The following LRCOL1 variants were observed in gnomAD, a reference collection of about 807,000 sequenced individuals.
LRCOL1 encodes leucine rich colipase like 1, also known as leucine-rich colipase-like protein 1.
In LRCOL1, 21 loss-of-function variants were observed where a neutral mutation model predicts 21.6. The ratio of observed to expected loss-of-function variants is 0.97; its 90% CI spans 0.69 to 1.40. The LOEUF is 1.40. Ranked by LOEUF, LRCOL1 falls within the 40% of genes most tolerant of loss-of-function variation. The probability of loss-of-function intolerance (pLI) is 0.00; values close to 1 mark genes in which losing one functional copy is unlikely to be tolerated. For missense variants in LRCOL1, 198 were observed against 202.3 expected (o/e 0.98, Z 0.13); for synonymous variants, 98 against 90.1 (o/e 1.09, Z -0.49).
chr12:132,607,658 T>C (rs2041325852), intron 1 of LRCOL1, among the ~76,000 whole-genome samples: 1 of 151,512 alleles, frequency 6.6e-6, no homozygotes, highest in Admixed American at 6.6e-5. Flanking sequence ...TCTCTTTCTG[T>C]CTCTGTCTCT....
rs1187829409 is a variant in LRCOL1 at position 132,604,743 on chromosome 12, G to A, written c.194C>T (p.Pro65Leu). ...CAGGCACTGCAGGAAGATGGTCTTA[G>A]GGGTGCAGAGCGTGTGTGGGGCCAG... ...NSLAPHTLCTPKTIFLQCLPW... is the reference protein window; with the variant it reads ...NSLAPHTLCTLKTIFLQCLPW... Residue 65 changes from proline (P) to leucine (L), a missense_variant, in exon 3 of 6, where the codon CCT becomes CTT. By Grantham distance (98) the Pro-to-Leu change is moderately conservative (BLOSUM62 -3). Transcript: ENST00000376608. 1.3e-6 allele frequency: 2 copies of A among 1,536,070 alleles called. No homozygotes were observed. The highest frequency in any genetic ancestry group is 2.7e-5 in the African/African-American group (2 of 73,036).
At chr12:132,604,662 C>T (rs1184673449) in intron 3 of LRCOL1, 44 bp downstream of exon 3, 3 of 1,527,644 alleles carry the variant, frequency 2.0e-6, no homozygotes, top group East Asian at 2.5e-5. Context: ...GAGGGGGCCA[C>T]AGGCAGTCTC....
chr12:132,605,097 G>C (rs2041287771), intron 2 of LRCOL1: 1 of 1,281,914 alleles, frequency 7.8e-7, no homozygotes, highest in South Asian at 1.7e-5. Context: ...CAGCAGCAGA[G>C]CATGGGTGAA....
intron 5 of LRCOL1, 65 bp from the exon 6 acceptor site, chr12:132,603,469 G>T: frequency 2.6e-6 from 4 of 1,535,848 alleles, no homozygotes; most frequent in Non-Finnish European, 3.5e-6. Context: ...CGCGGAAGGA[G>T]GACGGGAACC....
intron 1 of LRCOL1, among the ~76,000 whole-genome samples, chr12:132,607,860 CCTCT>C (rs1206154195): frequency 2.8e-5 from 3 of 108,524 alleles, no homozygotes; most frequent in East Asian, 2.7e-4. Flanking sequence ...TCTCTCTCTG[CCTCT>C]CTGTCTCTGT....
chr12:132,605,795 T>G, intron 2 of LRCOL1: 2 of 239,202 alleles, frequency 8.4e-6, no homozygotes, highest in Non-Finnish European at 1.6e-5. Context: ...AAAAGAAAAA[T>G]GGGTATATTT....
rs2041277712 is a variant in LRCOL1 at position 132,604,579 on chromosome 12, A to C, written c.237T>G (p.Asn79Lys). 4 of 1,534,414 alleles carry C rather than the reference A, an allele frequency of 2.6e-6. No individual in the cohort carries two copies. Among genetic ancestry groups the C allele is most frequent in the African/African-American group, 1.4e-5 (1 of 72,954 alleles). The change falls in exon 4 of 6, where the codon AAT becomes AAG. Residue 79 changes from asparagine to lysine, a missense_variant. Coordinates refer to ENST00000376608, the MANE Select transcript of LRCOL1 (RefSeq NM_001195520.2). Reference sequence around the variant, plus strand: ...CTGAGTCGTGCGAGCATCTGTACCCATTGGGCTATGGGACAGGAGACGCGT... The same window carrying C: ...CTGAGTCGTGCGAGCATCTGTACCCCTTGGGCTATGGGACAGGAGACGCGT... ...FLQCLPWRKP[N>K]GYRCSHDSEC...
intron 2 of LRCOL1, chr12:132,605,818 G>C (rs1016712643): frequency 4.8e-5 from 16 of 333,672 alleles, no homozygotes; most frequent in Non-Finnish European, 7.6e-5. Context: ...AAAAACAGAA[G>C]TGCACACTGG....
Position 132,604,241 on chromosome 12 carries a change from G to C in LRCOL1, c.477+13C>G, listed in dbSNP as rs767911688. 1.3e-6 allele frequency: 2 copies of C among 1,526,692 alleles called. No individual in the cohort carries two copies. Among genetic ancestry groups the C allele is most frequent in the East Asian group, 2.4e-5 (1 of 40,874 alleles). The allele number at this position is 1,526,692 out of a possible 1,614,324, so 94.6% of individuals were successfully genotyped here. On this transcript the variant is annotated intron_variant, in intron 5 of 5. Coordinates refer to ENST00000376608, the MANE Select transcript of LRCOL1 (RefSeq NM_001195520.2). ...GGGAGGGCCTGGAGGCTGAGCCCCC[G>C]CCCGGGACTTACCAGGGGCAGGCAC...
rs1044167831 is a variant in LRCOL1, at chr12:132,606,105, C to T, written c.105+42G>A. 76 of 1,524,038 alleles carry T rather than the reference C, an allele frequency of 5.0e-5. No homozygotes were observed. The highest frequency in any genetic ancestry group is 4.8e-4 in the African/African-American group (35 of 72,802). 94.4% of individuals were successfully genotyped at this position (1,524,038 alleles called of 1,614,324 possible). On this transcript the variant is annotated intron_variant, in intron 2 of 5. Coordinates refer to ENST00000376608, the MANE Select transcript of LRCOL1 (RefSeq NM_001195520.2). This position sits in a 1 kb window ranked among gnomAD's most constrained non-coding sequence, Gnocchi z 4.6. ...GGCGCCCGGCACCCACCTTATGGCG[C>T]GTGTGGGGCCTGCAGGGGCATCAGG...
At position 132,603,308 on chromosome 12, in the gene LRCOL1, GA is replaced by G; in HGVS notation, c.*93del. The G allele has an allele frequency of 6.6e-7, 1 of 1,511,238 alleles. No individual in the cohort carries two copies. The highest frequency in any genetic ancestry group is 8.9e-7 in the Non-Finnish European group (1 of 1,125,498). The allele number at this position is 1,511,238 out of a possible 1,614,324, so 93.6% of individuals were successfully genotyped here. ...AGAAACAGCAGCACAAACCGTAAGG[GA>G]AGCTTCCGCTGGAACCAGCCCCCGC... is the stretch of plus-strand genomic sequence containing the variant. On this transcript the variant is annotated 3_prime_UTR_variant, in exon 6 of 6. Transcript: ENST00000376608.
Position 132,604,790 on chromosome 12 carries a change from GCTCTGGCACTC to G in LRCOL1, c.136_146del (p.Glu46GlnfsTer17), listed in dbSNP as rs1321808698. 7.8e-6 allele frequency: 12 copies of G among 1,536,182 alleles called. No individual in the cohort carries two copies. Among genetic ancestry groups the G allele is most frequent in the Non-Finnish European group, 1.0e-5 (12 of 1,146,910 alleles). The stretch of plus-strand genomic sequence containing the variant: ...CCAGGCTGTTGATGGTACAGCAGTT[GCTCTGGCACTC>G]CTCGTGTCTCCTGCATGGCTCCCCG... On this transcript the variant is annotated frameshift_variant, in exon 3 of 6. Coordinates refer to ENST00000376608, the MANE Select transcript of LRCOL1 (RefSeq NM_001195520.2). LOFTEE classifies it high-confidence loss of function.
chr12:132,610,091 C>T (rs1415974224), intron 1 of LRCOL1, among the ~76,000 whole-genome samples: 10 of 152,240 alleles, frequency 6.6e-5, no homozygotes, highest in African/African-American at 1.2e-4. Context: ...TTCTGAGTTT[C>T]GGCGGCCCAG....
chr12:132,609,563 G>A (rs1030710191), intron 1 of LRCOL1, among the ~76,000 whole-genome samples: 37 of 152,164 alleles, frequency 2.4e-4, no homozygotes, highest in African/African-American at 8.9e-4. Flanking sequence ...TGGGTGTGGT[G>A]GTGCATCCCG....
intron 1 of LRCOL1, among the ~76,000 whole-genome samples, chr12:132,609,123 C>A (rs2323972): frequency 6.6e-6 from 1 of 152,042 alleles, no homozygotes; most frequent in East Asian, 1.9e-4. Context: ...ATGGAAGGCA[C>A]CTCGGACCCA....
At chr12:132,605,601 C>T (rs982545874) in intron 2 of LRCOL1, among the ~76,000 whole-genome samples, 7 of 151,802 alleles carry the variant, frequency 4.6e-5, no homozygotes, top group Admixed American at 6.6e-5. Flanking sequence ...TGGTGGCGCG[C>T]GCCTGTAATC....
chr12:132,605,987 A>G lies in LRCOL1; in HGVS notation c.105+160T>C, dbSNP rs1468768246. On this transcript the variant is annotated intron_variant, in intron 2 of 5. Transcript: ENST00000376608. ...CAGGAGAGCGAGTGCAGCCTCAGGGAGGGTTTCATCCAGGAAGGCGCTTTG... is the reference window on the plus strand; with the variant it reads ...CAGGAGAGCGAGTGCAGCCTCAGGGGGGGTTTCATCCAGGAAGGCGCTTTG... The G allele has an allele frequency of 6.2e-6, 4 of 649,648 alleles. No homozygotes were observed. The East Asian group carries it at 1.1e-4, about 18-fold the overall frequency. The allele number at this position is 649,648 out of a possible 1,614,324, so 40.2% of individuals were successfully genotyped here.
At chr12:132,605,204 G>T in intron 2 of LRCOL1, 1 of 900,544 alleles carries the variant, frequency 1.1e-6, no homozygotes, top group Non-Finnish European at 1.3e-6. Flanking sequence ...TGGCAGAGGT[G>T]AGCTGAGAGC....
intron 2 of LRCOL1, chr12:132,605,936 T>C (rs60862009): frequency 0.17 from 101,020 of 582,982 alleles, 10,004 homozygotes; most frequent in African/African-American, 0.32. Context: ...TCAAGTGTGC[T>C]TGGGCAGCAC....
Sources: allele counts gnomAD v4.1 joint callset (sites outside exome capture counted in the v4.1 genomes callset), GRCh38; gene constraint gnomAD v4.1.1; non-coding constraint Gnocchi (gnomAD v3.1); transcripts MANE v1.5; gene names NCBI Gene and HGNC (gene_info 2026-07-23, HGNC 2026-07-21).